The following NLRP11 variants were observed in gnomAD, a reference collection of about 807,000 sequenced individuals.
NLRP11 encodes the protein NLR family pyrin domain containing 11.
In NLRP11, 53 loss-of-function variants were observed where a neutral mutation model predicts 79.3. The ratio of observed to expected loss-of-function variants is 0.67; its 90% confidence interval spans 0.54 to 0.84. NLRP11 has a LOEUF of 0.84. Ranked by LOEUF, NLRP11 falls within the 40% of genes least tolerant of loss-of-function variation. The probability of loss-of-function intolerance (pLI) is 0.00; values close to 1 mark genes in which losing one functional copy is unlikely to be tolerated. For missense variants in NLRP11, 1,264 were observed against 1,255.0 expected (o/e 1.01, Z -0.11); for synonymous variants, 518 against 462.6 (o/e 1.12, Z -1.54).
intron 4 of NLRP11, among the ~76,000 whole-genome samples, chr19:55,805,093 T>A (rs563208256): frequency 6.6e-6 from 1 of 151,864 alleles, no homozygotes; most frequent in Non-Finnish European, 1.5e-5. Flanking sequence ...CACAATTTCA[T>A]TGAGGAAAAA....
chr19:55,816,061 C>T (rs1377159265), intron 2 of NLRP11, among the ~76,000 whole-genome samples: 5 of 152,178 alleles, frequency 3.3e-5, no homozygotes, highest in African/African-American at 1.2e-4. Context: ...TGGGAAGATA[C>T]GAGTTTAACC....
At chr19:55,833,719 G>A (rs1982991783), upstream of NLRP11, among the ~76,000 whole-genome samples, 1 of 121,446 alleles carries the variant, frequency 8.2e-6, no homozygotes, top group African/African-American at 3.2e-5. Context: ...AGTGAGCCGA[G>A]ATCAGGCCAC....
At chr19:55,822,987 T>G (rs559300473) in intron 1 of NLRP11, among the ~76,000 whole-genome samples, 249 of 151,770 alleles carry the variant, frequency 1.6e-3, no homozygotes, top group African/African-American at 5.6e-3. Context: ...AAGACAGCAG[T>G]AACCTCTGCA....
rs1600188392 is a variant in NLRP11 at position 55,807,762 on chromosome 19, G to T, written c.2003+91C>A. 6.1e-6 allele frequency: 5 copies of T among 820,010 alleles called. No homozygotes were observed. In the East Asian group the frequency reaches 1.2e-4, roughly 20 times the overall value. 50.8% of individuals were successfully genotyped at this position (820,010 alleles called of 1,614,324 possible). A position where few individuals can be genotyped will look rare whatever the true frequency, so the allele number is the denominator to read the frequency against. The stretch of plus-strand genomic sequence containing the variant: ...GCCCTGATGAGCCTGACCTGAAAGT[G>T]TGTTTTGTATATTGTCTTCTCCCAG... On this transcript the variant is annotated intron_variant, in intron 4 of 9. Transcript: ENST00000589093.
chr19:55,793,555 C>CAAAAAAAAAA (rs1385442204), intron 6 of NLRP11, among the ~76,000 whole-genome samples: 2 of 30,668 alleles, frequency 6.5e-5, no homozygotes, highest in Non-Finnish European at 1.1e-4. Flanking sequence ...GTGACTGTCT[C>CAAAAAAAAAA]CAAAAAAAAA....
chr19:55,789,040 G>A (rs974456824), intron 8 of NLRP11, 63 bp from the exon 9 acceptor site: 1 of 1,572,492 alleles, frequency 6.4e-7, no homozygotes, highest in African/African-American at 1.4e-5. Context: ...CAGATGAGAT[G>A]GGTGAGAACT....
At chr19:55,822,927 T>C (rs1334975580) in intron 1 of NLRP11, among the ~76,000 whole-genome samples, 1 of 152,200 alleles carries the variant, frequency 6.6e-6, no homozygotes, top group African/African-American at 2.4e-5. Flanking sequence ...CAAGGAGGCC[T>C]GCCTGCCTCT....
intron 1 of NLRP11, among the ~76,000 whole-genome samples, chr19:55,827,847 A>T (rs1044761014): frequency 5.3e-5 from 8 of 150,850 alleles, no homozygotes; most frequent in Admixed American, 3.3e-4. Flanking sequence ...CCATTGTGGA[A>T]GTCAGTGTGG....
chr19:55,834,290 C>A (rs1247668094), upstream of NLRP11, among the ~76,000 whole-genome samples: 1 of 152,004 alleles, frequency 6.6e-6, no homozygotes, highest in Admixed American at 6.6e-5. Context: ...AGCACTTCTT[C>A]ATGCAAATAA....
intron 2 of NLRP11, among the ~76,000 whole-genome samples, chr19:55,814,969 A>T (rs1214500116): frequency 6.6e-6 from 1 of 152,220 alleles, no homozygotes; most frequent in African/African-American, 2.4e-5. Flanking sequence ...TCAAAACATC[A>T]AGTTGTACAC....
intron 2 of NLRP11, among the ~76,000 whole-genome samples, chr19:55,814,034 C>T (rs1033430729): frequency 9.2e-5 from 14 of 152,190 alleles, no homozygotes; most frequent in Admixed American, 4.6e-4. Flanking sequence ...GCCCCACAGC[C>T]GATGGTGAGT....
At chr19:55,806,590 G>A (rs975485751) in intron 4 of NLRP11, among the ~76,000 whole-genome samples, 1 of 152,156 alleles carries the variant, frequency 6.6e-6, no homozygotes, top group Non-Finnish European at 1.5e-5. Flanking sequence ...CCTCCTCTGA[G>A]CTTTCAGATT....
intron 6 of NLRP11, among the ~76,000 whole-genome samples, chr19:55,794,849 T>C (rs957128182): frequency 2.0e-5 from 3 of 152,202 alleles, no homozygotes; most frequent in Non-Finnish European, 2.9e-5. Context: ...CAAACAAGTA[T>C]TTTTTACAGA....
chr19:55,788,080 A>G (rs1427962750), intron 9 of NLRP11, among the ~76,000 whole-genome samples: 1 of 152,196 alleles, frequency 6.6e-6, no homozygotes, highest in East Asian at 1.9e-4. Context: ...AGTTGGTGGT[A>G]ACATACTTGG....
chr19:55,809,229 C>G lies in NLRP11; in HGVS notation c.1381G>C (p.Ala461Pro), dbSNP rs1469095392. Residue 461 changes from alanine (A) to proline (P), a missense_variant, in exon 3 of 10, where the codon GCA becomes CCA. Coordinates refer to ENST00000589093, the Ensembl canonical transcript of NLRP11. This position sits in a 1 kb window ranked among gnomAD's most constrained non-coding sequence, Gnocchi z 4.5. ...TAGTTGGGTACTGCCATCAGAAATGCAATGGCTGTACAAAACTCCTGGACG... is the reference window on the plus strand; with the variant it reads ...TAGTTGGGTACTGCCATCAGAAATGGAATGGCTGTACAAAACTCCTGGACG... The G allele has an allele frequency of 6.2e-7, 1 of 1,613,776 alleles. No homozygotes were observed. The highest frequency in any genetic ancestry group is 1.7e-5 in the Admixed American group (1 of 60,016).
intron 2 of NLRP11, 148 bp from the exon 3 acceptor site, chr19:55,810,486 GAT>G (rs1437096662): frequency 4.3e-6 from 3 of 697,090 alleles, no homozygotes; most frequent in African/African-American, 1.8e-5. Context: ...TAGGTACAAA[GAT>G]ATTTACCATC....
chr19:55,819,186 C>CACACAA, intron 1 of NLRP11, among the ~76,000 whole-genome samples: 1 of 135,766 alleles, frequency 7.4e-6, no homozygotes, highest in Non-Finnish European at 1.6e-5. Context: ...CACACACACA[C>CACACAA]ACAGGTTGCC....
At chr19:55,788,655 G>T in intron 9 of NLRP11, 152 bp downstream of exon 9, 2 of 574,092 alleles carry the variant, frequency 3.5e-6, no homozygotes, top group East Asian at 3.0e-5. Context: ...AAGGAGAATC[G>T]CTTGAAGCTG....
Position 55,809,304 on chromosome 19 carries a change from G to T in NLRP11, c.1306C>A (p.Leu436Ile). The T allele has an allele frequency of 1.9e-6, 3 of 1,613,986 alleles. No individual in the cohort carries two copies. The highest frequency in any genetic ancestry group is 1.7e-6 in the Non-Finnish European group (2 of 1,179,894). The change falls in exon 3 of 10, where the codon CTT (leucine) becomes ATT (isoleucine). Residue 436 changes from leucine to isoleucine, a missense_variant. Transcript: ENST00000589093. The surrounding 1 kb of genome is among the most constrained non-coding windows in gnomAD (Gnocchi z 4.5). ...TCTTTATGAGTGTTGCTCGGCAAAA[G>T]AATATTCGCGGCCTGCAACACAGAG...
Sources: gnomAD v4.1 joint callset for allele counts (sites outside exome capture counted in the v4.1 genomes callset) on GRCh38, gnomAD v4.1.1 for gene constraint, Gnocchi (gnomAD v3.1) non-coding constraint, MANE v1.5 for transcripts, NCBI Gene and HGNC (gene_info 2026-07-23, HGNC 2026-07-21) for gene names.